The following CNTN3 variants were observed in gnomAD, a reference collection of about 807,000 sequenced individuals.
The protein encoded by CNTN3 is contactin-3.
In CNTN3, 60 loss-of-function variants were observed where a neutral mutation model predicts 119.1. That is an observed-to-expected ratio of 0.50 (90% confidence interval 0.41 to 0.62). CNTN3 has a LOEUF of 0.62. Ranked by LOEUF, CNTN3 falls within the 20% of genes least tolerant of loss-of-function variation. The pLI is 0.00. For missense variants in CNTN3, 1,101 were observed against 1,242.4 expected (o/e 0.89, Z 1.71); for synonymous variants, 450 against 438.7 (o/e 1.03, Z -0.32).
At chr3:74,280,346 A>C (rs1048983923) in intron 20 of CNTN3, among the ~76,000 whole-genome samples, 1 of 152,180 alleles carries the variant, frequency 6.6e-6, no homozygotes, top group Non-Finnish European at 1.5e-5. Context: ...TCACACATAT[A>C]ATAATTAGCA....
intron 2 of CNTN3, among the ~76,000 whole-genome samples, chr3:74,512,655 C>T (rs536353402): frequency 7.2e-5 from 9 of 125,158 alleles, no homozygotes; most frequent in South Asian, 7.2e-4. Context: ...ATGGCCATAG[C>T]ACTGAGTATT....
chr3:74,581,838 A>C (rs987453132), intron 1 of CNTN3, among the ~76,000 whole-genome samples: 1 of 152,168 alleles, frequency 6.6e-6, no homozygotes. Context: ...CAAGACACCA[A>C]GGCAGTGCAC....
At chr3:74,281,913 G>A (rs1702021117) in intron 20 of CNTN3, among the ~76,000 whole-genome samples, 1 of 152,154 alleles carries the variant, frequency 6.6e-6, no homozygotes, top group Non-Finnish European at 1.5e-5. Context: ...CATTCATACT[G>A]AATGTCAGAA....
intron 1 of CNTN3, among the ~76,000 whole-genome samples, chr3:74,551,857 G>A (rs1290976691): frequency 6.9e-6 from 1 of 145,496 alleles, no homozygotes; most frequent in Non-Finnish European, 1.5e-5. Context: ...TCTGCCTTGT[G>A]GGTTCCAGAG....
intron 13 of CNTN3, among the ~76,000 whole-genome samples, chr3:74,309,614 A>T (rs923256669): frequency 6.6e-6 from 1 of 152,216 alleles, no homozygotes; most frequent in Admixed American, 6.5e-5. Context: ...AATGGACTAG[A>T]AAGAGGAGAC....
intron 19 of CNTN3, among the ~76,000 whole-genome samples, chr3:74,291,154 A>G (rs1310872776): frequency 6.7e-6 from 1 of 150,308 alleles, no homozygotes; most frequent in Non-Finnish European, 1.5e-5. Flanking sequence ...GTGGTGTTTG[A>G]TTTTCTGTCC....
At chr3:74,267,449 G>A (rs1701684288) in intron 20 of CNTN3, 71 bp from the exon 21 acceptor site, 7 of 1,037,556 alleles carry the variant, frequency 6.7e-6, no homozygotes, top group Admixed American at 1.7e-5. Flanking sequence ...AGGAGATGGC[G>A]GCTATCATAG....
chr3:74,483,498 A>T (rs75899325), intron 4 of CNTN3, among the ~76,000 whole-genome samples: 19,138 of 152,106 alleles, frequency 0.13, 1,221 homozygotes, highest in Non-Finnish European at 0.13. Flanking sequence ...CTCTCATCTC[A>T]GGGATGTGTT....
intron 13 of CNTN3, among the ~76,000 whole-genome samples, chr3:74,319,827 A>G (rs1207177603): frequency 6.6e-6 from 1 of 151,870 alleles, no homozygotes; most frequent in Non-Finnish European, 1.5e-5. Flanking sequence ...CAAAAAAAAA[A>G]ACAAACAACC....
chr3:74,478,089 C>T (rs977721559), intron 4 of CNTN3, among the ~76,000 whole-genome samples: 1 of 151,974 alleles, frequency 6.6e-6, no homozygotes, highest in Non-Finnish European at 1.5e-5. Flanking sequence ...AAAGACAGGA[C>T]AATAGAAGAA....
At chr3:74,484,196 C>T (rs1245293085) in intron 4 of CNTN3, among the ~76,000 whole-genome samples, 3 of 152,098 alleles carry the variant, frequency 2.0e-5, no homozygotes, top group Non-Finnish European at 2.9e-5. Context: ...TCCACCAACA[C>T]CATCTTGTAG....
At chr3:74,411,427 G>A (rs1200411406) in intron 5 of CNTN3, among the ~76,000 whole-genome samples, 3 of 152,062 alleles carry the variant, frequency 2.0e-5, no homozygotes, top group African/African-American at 7.2e-5. Flanking sequence ...TAAACAAAGA[G>A]TTTTCTTCTC....
intron 4 of CNTN3, among the ~76,000 whole-genome samples, chr3:74,486,219 C>T (rs543131754): frequency 6.6e-6 from 1 of 151,762 alleles, no homozygotes; most frequent in East Asian, 1.9e-4. Context: ...CACACACACA[C>T]ACACCCCTAC....
At chr3:74,496,483 T>C (rs1442164380) in intron 3 of CNTN3, among the ~76,000 whole-genome samples, 2 of 152,034 alleles carry the variant, frequency 1.3e-5, no homozygotes, top group Non-Finnish European at 2.9e-5. Context: ...CAGGCCTTCC[T>C]CTTTCAAAGT....
Position 74,369,313 on chromosome 3 carries a change from T to A in CNTN3, c.822A>T (p.Lys274Asn). Residue 274 changes from lysine (K) to asparagine (N), a missense_variant, in exon 8 of 23, where the codon AAA becomes AAT. Transcript: ENST00000263665. ...CAAGCACACCACTGAACTTCCTTAA[T>A]TTAATTTTGCTGGAAAATGGCAGCC... ...SDGLPFSSKI[K>N]LRKFSGVLEI... 1 of 1,610,612 alleles carries A rather than the reference T, an allele frequency of 6.2e-7. No individual in the cohort carries two copies. Among genetic ancestry groups the A allele is most frequent in the Non-Finnish European group, 8.5e-7 (1 of 1,178,388 alleles).
intron 4 of CNTN3, among the ~76,000 whole-genome samples, chr3:74,449,542 G>T (rs908294845): frequency 6.6e-6 from 1 of 152,006 alleles, no homozygotes; most frequent in African/African-American, 2.4e-5. Context: ...TTAGGGAAGG[G>T]GTTTTGGATC....
intron 4 of CNTN3, among the ~76,000 whole-genome samples, chr3:74,476,647 T>C (rs1012986375): frequency 6.6e-6 from 1 of 152,096 alleles, no homozygotes; most frequent in Non-Finnish European, 1.5e-5. Context: ...CTAAATACTT[T>C]AGAGTTAAAC....
At chr3:74,290,437 T>C (rs866627862) in intron 19 of CNTN3, among the ~76,000 whole-genome samples, 7 of 152,344 alleles carry the variant, frequency 4.6e-5, no homozygotes, top group Middle Eastern at 6.8e-3. Context: ...ATGTAGTGCA[T>C]GACTATATTA....
intron 11 of CNTN3, among the ~76,000 whole-genome samples, chr3:74,354,906 G>T (rs1039072549): frequency 6.6e-6 from 1 of 152,058 alleles, no homozygotes; most frequent in Non-Finnish European, 1.5e-5. Context: ...GAGTTTCAGA[G>T]GTAAGCTGTA....
Sources: allele counts gnomAD v4.1 joint callset (sites outside exome capture counted in the v4.1 genomes callset), GRCh38; gene constraint gnomAD v4.1.1; transcripts MANE v1.5; gene names NCBI Gene and HGNC (gene_info 2026-07-23, HGNC 2026-07-21).